The following DOCK11 variants were observed in gnomAD, a reference collection of about 807,000 sequenced individuals.
DOCK11 encodes the protein dedicator of cytokinesis protein 11.
In DOCK11, 70 loss-of-function variants were observed where a neutral mutation model predicts 169.1. That is an observed-to-expected ratio of 0.41 (90% CI 0.34 to 0.51). The LOEUF is 0.51. Among genes scored for constraint, DOCK11 ranks in the 20% least tolerant of loss-of-function variants. DOCK11 has a pLI of 0.10. For missense variants in DOCK11, 1,166 were observed against 1,538.8 expected (o/e 0.76, Z 4.05); for synonymous variants, 529 against 541.3 (o/e 0.98, Z 0.32).
intron 52 of DOCK11, among the ~76,000 whole-genome samples, chrX:118,683,697 A>G (rs1375398944): frequency 8.9e-6 from 1 of 112,280 alleles, no homozygotes; most frequent in Non-Finnish European, 1.9e-5. Flanking sequence ...AAATTATTCA[A>G]ATTGAAAACA....
intron 52 of DOCK11, among the ~76,000 whole-genome samples, chrX:118,684,342 G>A (rs1469058069): frequency 2.0e-5 from 2 of 98,629 alleles, no homozygotes; most frequent in Non-Finnish European, 4.0e-5. Context: ...CACAATGTCA[G>A]CTCACTGCAA....
At chrX:118,582,954 A>T (rs1418114264) in intron 14 of DOCK11, among the ~76,000 whole-genome samples, 1 of 112,429 alleles carries the variant, frequency 8.9e-6, no homozygotes, top group African/African-American at 3.2e-5. Context: ...ATTATAAATC[A>T]TTCTACTATA....
At chrX:118,666,891 T>C (rs973967982) in intron 45 of DOCK11, among the ~76,000 whole-genome samples, 2 of 112,036 alleles carry the variant, frequency 1.8e-5, no homozygotes, top group African/African-American at 6.5e-5. Context: ...TGCTGATCTT[T>C]TTAAATTTTA....
intron 23 of DOCK11, among the ~76,000 whole-genome samples, chrX:118,602,968 G>A (rs1175818519): frequency 1.8e-5 from 2 of 112,289 alleles, no homozygotes; most frequent in Non-Finnish European, 3.8e-5. Flanking sequence ...ACCTTTTCTA[G>A]TTGTGGTAGA....
At chrX:118,601,339 G>A (rs780211851) in intron 23 of DOCK11, among the ~76,000 whole-genome samples, 2 of 107,528 alleles carry the variant, frequency 1.9e-5, no homozygotes, top group East Asian at 2.9e-4. Context: ...TGGGAGGATC[G>A]TTTGAGCCTG....
intron 18 of DOCK11, among the ~76,000 whole-genome samples, chrX:118,589,876 C>A (rs777188652): frequency 1.9e-4 from 21 of 112,548 alleles, no homozygotes; most frequent in Non-Finnish European, 3.4e-4. Context: ...ATGCAAGTAG[C>A]ATAAGAGAAG....
In DOCK11 at chrX:118,683,252, T is replaced by C. The variant is rs751573739; in HGVS notation, c.6102+35T>C. ...AGGGTGACTAAAACTGAAAACATGA[T>C]CTGCGGGTCCCAAAATTGTTGCTTA... is the stretch of plus-strand genomic sequence containing the variant. On this transcript the variant is annotated intron_variant, in intron 52 of 52. Coordinates refer to ENST00000276202, the MANE Select transcript of DOCK11 (RefSeq NM_144658.4). The C allele has an allele frequency of 2.6e-5, 30 of 1,174,261 alleles. 1 individual carries two copies. The South Asian group carries it at 5.8e-4, about 23-fold the overall frequency.
rs769227215 is a variant in DOCK11, at chrX:118,517,665, C to G, written c.102+21592C>G. 3.6e-5 allele frequency among the ~76,000 whole-genome samples: 4 copies of G among 110,729 alleles called. No homozygotes were observed. In the East Asian group the frequency reaches 1.1e-3, roughly 31 times the overall value. ...TTCCTATAATCCTGCAGCTCCTTGC[C>G]TAGTGCTTTGCGTATCTCAGATTCT... is the stretch of plus-strand genomic sequence containing the variant. On this transcript the variant is annotated intron_variant, in intron 1 of 52. Transcript: ENST00000276202.
chrX:118,610,372 C>T lies in DOCK11; in HGVS notation c.3050C>T (p.Pro1017Leu), dbSNP rs745351457. 4 of 1,209,225 alleles carry T rather than the reference C, an allele frequency of 3.3e-6. No individual in the cohort carries two copies. The South Asian group carries it at 5.3e-5, about 16-fold the overall frequency. ...PHVTIRYAEI[P>L]DESRNVNYSL... is the part of the protein sequence containing the mutation. ...GTGACTATTCGGTATGCGGAGATTCCCGATGAGTCCAGAAATGTGAACTAT... is the reference window on the plus strand; with the variant it reads ...GTGACTATTCGGTATGCGGAGATTCTCGATGAGTCCAGAAATGTGAACTAT... Residue 1017 changes from proline (P) to leucine (L), a missense_variant, in exon 28 of 53, where the codon CCC (proline) becomes CTC (leucine). Transcript: ENST00000276202.
At chrX:118,672,419 T>G (rs991512615) in intron 46 of DOCK11, among the ~76,000 whole-genome samples, 1 of 112,494 alleles carries the variant, frequency 8.9e-6, no homozygotes, top group Non-Finnish European at 1.9e-5. Context: ...ATTCTTTTTT[T>G]TTGTTTTTTA....
intron 44 of DOCK11, among the ~76,000 whole-genome samples, chrX:118,655,242 G>A (rs951108132): frequency 1.8e-5 from 2 of 111,205 alleles, no homozygotes; most frequent in African/African-American, 6.5e-5. Flanking sequence ...CAAGGCTGGA[G>A]GATTGCTTGA....
chrX:118,673,794 TTAAG>T (rs1465965881), intron 46 of DOCK11, among the ~76,000 whole-genome samples: 1 of 111,385 alleles, frequency 9.0e-6, no homozygotes, highest in African/African-American at 3.3e-5. Context: ...TCCATACCCA[TTAAG>T]TAATTACTCC....
intron 6 of DOCK11, among the ~76,000 whole-genome samples, chrX:118,547,088 G>A (rs1281579810): frequency 9.0e-6 from 1 of 111,319 alleles, no homozygotes; most frequent in Non-Finnish European, 1.9e-5. Context: ...TTGGGAGGCT[G>A]TAAAGAGCCA....
In DOCK11 at chrX:118,641,152, C is replaced by T. The variant is rs192868729; in HGVS notation, c.4145-38C>T. On this transcript the variant is annotated intron_variant, in intron 38 of 52. Transcript: ENST00000276202. The stretch of plus-strand genomic sequence containing the variant: ...CATTCAACACCATTATGTGCATCTT[C>T]GTGTTGGGAAAAGTTTAATTTACTT... 1.0e-3 allele frequency: 1,014 copies of T among 1,003,204 alleles called. 10 individuals are homozygous for T. The South Asian group carries it at 0.018, about 18-fold the overall frequency. 82.7% of individuals were successfully genotyped at this position (1,003,204 alleles called of 1,213,427 possible).
In DOCK11 at chrX:118,643,595, G is replaced by T; in HGVS notation, c.4398+1G>T. 8.3e-7 allele frequency: 1 copy of T among 1,209,064 alleles called. No individual in the cohort carries two copies. Among genetic ancestry groups the T allele is most frequent in the Non-Finnish European group, 1.1e-6 (1 of 894,604 alleles). ...CTCACTGAGAGCTTTCATCAGTAAG[G>T]TAAGGACAGAAGCTTGGGAGCAGCC... On this transcript the variant is annotated splice_donor_variant, in intron 40 of 52. Coordinates refer to ENST00000276202, the MANE Select transcript of DOCK11 (RefSeq NM_144658.4). LOFTEE classifies it high-confidence loss of function.
In DOCK11 at chrX:118,638,606, G is replaced by A. The variant is rs552163699; in HGVS notation, c.4001+479G>A. ...AATATTTGAGAGATTCTAAGGTGAA[G>A]AAGGTTACTTGCTTATTTCAATGAG... is the stretch of plus-strand genomic sequence containing the variant. On this transcript the variant is annotated intron_variant, in intron 37 of 52. Coordinates refer to ENST00000276202, the MANE Select transcript of DOCK11 (RefSeq NM_144658.4). Among the ~76,000 whole-genome samples the A allele has an allele frequency of 3.6e-5, 4 of 112,439 alleles. No individual in the cohort carries two copies. The South Asian group carries it at 1.5e-3, about 41-fold the overall frequency.
At chrX:118,639,687 T>C (rs539992972) in intron 38 of DOCK11, 110 bp downstream of exon 38, 2 of 828,900 alleles carry the variant, frequency 2.4e-6, no homozygotes, top group Non-Finnish European at 3.3e-6. Flanking sequence ...TTACACATTA[T>C]ATGCATGTAA....
intron 6 of DOCK11, among the ~76,000 whole-genome samples, chrX:118,558,407 G>A (rs2147370352): frequency 8.9e-6 from 1 of 111,777 alleles, no homozygotes; most frequent in East Asian, 2.8e-4. Flanking sequence ...CAAATGACAG[G>A]TATGATATAG....
chrX:118,532,492 G>A (rs1329488100), intron 1 of DOCK11, among the ~76,000 whole-genome samples: 1 of 110,171 alleles, frequency 9.1e-6, no homozygotes, highest in Non-Finnish European at 1.9e-5. Flanking sequence ...GTTGAAGAAG[G>A]TGTGCCGGCC....
Sources: allele counts gnomAD v4.1 joint callset (sites outside exome capture counted in the v4.1 genomes callset), GRCh38; gene constraint gnomAD v4.1.1; transcripts MANE v1.5; gene names NCBI Gene and HGNC (gene_info 2026-07-23, HGNC 2026-07-21).